CYYR1: variants seen among roughly 807,000 people sequenced by gnomAD.
The protein encoded by CYYR1 is cysteine and tyrosine-rich protein 1.
Under a neutral mutation model 15.2 loss-of-function variants are expected in CYYR1, and 14 were observed. That is an observed-to-expected ratio of 0.92 (90% CI 0.61 to 1.44). The LOEUF (loss-of-function observed/expected upper bound fraction) is 1.44. Among genes scored for constraint, CYYR1 ranks in the 40% most tolerant of loss-of-function variants. The pLI is 0.00. For synonymous variants in CYYR1, 80 were observed against 77.4 expected, an observed-to-expected ratio of 1.03 and a Z score of -0.18; for missense variants, 228 against 209.5, an observed-to-expected ratio of 1.09 and a Z score of -0.54.
chr21:26,514,536 C>T (rs1165513404), intron 2 of CYYR1, among the ~76,000 whole-genome samples: 1 of 152,198 alleles, frequency 6.6e-6, no homozygotes, highest in Non-Finnish European at 1.5e-5. Context: ...TCTTTTATTG[C>T]CTGCAGAACC....
intron 2 of CYYR1, among the ~76,000 whole-genome samples, chr21:26,510,065 T>C (rs1032645937): frequency 2.6e-5 from 4 of 152,208 alleles, no homozygotes; most frequent in African/African-American, 9.6e-5. Context: ...GGCTTCAATT[T>C]AGGTATCCGC....
At chr21:26,468,660 C>A in intron 3 of CYYR1, 26 bp from the exon 4 acceptor site, 1 of 1,523,896 alleles carries the variant, frequency 6.6e-7, no homozygotes, top group Admixed American at 1.9e-5. Context: ...AAGAGAACAT[C>A]AAGGAGTTAG....
chr21:26,547,462 T>C (rs575754102), intron 2 of CYYR1, among the ~76,000 whole-genome samples: 1 of 152,278 alleles, frequency 6.6e-6, no homozygotes, highest in African/African-American at 2.4e-5. Flanking sequence ...CAGGCCATTG[T>C]ATGTTCTTCA....
chr21:26,470,218 A>G (rs1247297895), intron 3 of CYYR1, among the ~76,000 whole-genome samples: 2 of 152,136 alleles, frequency 1.3e-5, no homozygotes, highest in African/African-American at 4.8e-5. Flanking sequence ...TTGCCATTAA[A>G]GTAATTGCAA....
chr21:26,511,577 C>T (rs1028798009), intron 2 of CYYR1, among the ~76,000 whole-genome samples: 2 of 152,176 alleles, frequency 1.3e-5, no homozygotes, highest in Non-Finnish European at 2.9e-5. Flanking sequence ...TTCCCAAGTG[C>T]TGGCTTTTAA....
At chr21:26,521,033 G>T (rs1044856004) in intron 2 of CYYR1, among the ~76,000 whole-genome samples, 1 of 152,120 alleles carries the variant, frequency 6.6e-6, no homozygotes, top group Non-Finnish European at 1.5e-5. Context: ...GTCCCGTCAG[G>T]GGGTGCGGAG....
In CYYR1 at chr21:26,467,825, C is replaced by T. The variant is rs566819993; in HGVS notation, c.*676G>A. On this transcript the variant is annotated 3_prime_UTR_variant, in exon 4 of 4. Coordinates refer to ENST00000652641, the MANE Select transcript of CYYR1 (RefSeq NM_001320768.2). Reference sequence around the variant, plus strand: ...TCACTCCTGGACATATAGAAATTCACTTCACACCCACCTAAAATACGAGCA... The same window carrying T: ...TCACTCCTGGACATATAGAAATTCATTTCACACCCACCTAAAATACGAGCA... 2 of 153,812 alleles carry T rather than the reference C, an allele frequency of 1.3e-5. No homozygotes were observed. Among genetic ancestry groups the T allele is most frequent in the African/African-American group, 4.8e-5 (2 of 41,588 alleles). 9.5% of individuals were successfully genotyped at this position (153,812 alleles called of 1,614,324 possible).
At chr21:26,482,382 A>G (rs2830252) in intron 2 of CYYR1, 423,631 of 984,930 alleles carry the variant, frequency 0.43, 92,439 homozygotes, top group South Asian at 0.46. Context: ...TTTCATACTC[A>G]AACATAGTAA....
chr21:26,527,269 T>C (rs988350843), intron 2 of CYYR1, among the ~76,000 whole-genome samples: 1 of 152,202 alleles, frequency 6.6e-6, no homozygotes, highest in East Asian at 1.9e-4. Context: ...GTCTCATCAA[T>C]AAACTAGGGT....
intron 2 of CYYR1, among the ~76,000 whole-genome samples, chr21:26,530,223 G>A (rs1365192117): frequency 6.6e-6 from 1 of 152,046 alleles, no homozygotes; most frequent in African/African-American, 2.4e-5. Context: ...CAGCCTGAAT[G>A]ATTGTTTTGC....
intron 2 of CYYR1, among the ~76,000 whole-genome samples, chr21:26,542,358 C>T (rs2123652574): frequency 6.7e-6 from 1 of 150,240 alleles, no homozygotes; most frequent in Admixed American, 6.7e-5. Context: ...ATGCAAACAT[C>T]ATTTAAATTT....
At chr21:26,504,213 C>T (rs988453147) in intron 2 of CYYR1, among the ~76,000 whole-genome samples, 1 of 145,060 alleles carries the variant, frequency 6.9e-6, no homozygotes, top group Non-Finnish European at 1.5e-5. Flanking sequence ...TTTTATTTTA[C>T]TCTTTGTGAT....
intron 2 of CYYR1, among the ~76,000 whole-genome samples, chr21:26,529,657 G>A (rs1342210063): frequency 6.6e-6 from 1 of 152,168 alleles, no homozygotes; most frequent in Non-Finnish European, 1.5e-5. Context: ...GAAAACATAG[G>A]GGAGTGCGGT....
intron 2 of CYYR1, among the ~76,000 whole-genome samples, chr21:26,547,059 A>T: frequency 6.6e-6 from 1 of 152,124 alleles, no homozygotes; most frequent in African/African-American, 2.4e-5. Flanking sequence ...CTGGTTAGGG[A>T]GCCAGGGTGC....
intron 2 of CYYR1, among the ~76,000 whole-genome samples, chr21:26,536,805 C>G (rs1285071697): frequency 2.6e-5 from 4 of 152,138 alleles, no homozygotes; most frequent in African/African-American, 9.7e-5. Context: ...TCTGCATTCT[C>G]CCCCACCAAG....
chr21:26,554,079 G>A (rs73351175), intron 2 of CYYR1, among the ~76,000 whole-genome samples: 300 of 152,284 alleles, frequency 2.0e-3, no homozygotes, highest in African/African-American at 7.1e-3. Flanking sequence ...AGTCTTACAA[G>A]TCTTGACTTA....
At chr21:26,532,429 G>A (rs2065943923) in intron 2 of CYYR1, among the ~76,000 whole-genome samples, 1 of 152,106 alleles carries the variant, frequency 6.6e-6, no homozygotes, top group Non-Finnish European at 1.5e-5. Flanking sequence ...TGACGCTGGA[G>A]GAAACATTTT....
intron 2 of CYYR1, among the ~76,000 whole-genome samples, chr21:26,522,978 C>T (rs2065820262): frequency 6.6e-6 from 1 of 152,072 alleles, no homozygotes; most frequent in African/African-American, 2.4e-5. Flanking sequence ...TGGACTTCGT[C>T]AGGAGGCAAA....
chr21:26,544,327 C>T (rs1321068876), intron 2 of CYYR1, among the ~76,000 whole-genome samples: 2 of 152,108 alleles, frequency 1.3e-5, no homozygotes, highest in Non-Finnish European at 2.9e-5. Context: ...ATGCAGAGCG[C>T]TTAGAAAACC....
Sources: gnomAD v4.1 joint callset for allele counts (sites outside exome capture counted in the v4.1 genomes callset) on GRCh38, gnomAD v4.1.1 for gene constraint, MANE v1.5 for transcripts, NCBI Gene and HGNC (gene_info 2026-07-23, HGNC 2026-07-21) for gene names.